KANSL2: variants seen among roughly 807,000 people sequenced by gnomAD.
KANSL2 encodes KAT8 regulatory NSL complex subunit 2.
Under a neutral mutation model 55.6 loss-of-function variants are expected in KANSL2, and 34 were observed. The ratio of observed to expected loss-of-function variants is 0.61; its 90% CI spans 0.46 to 0.81. KANSL2 has a LOEUF of 0.81. KANSL2 is among the 40% of genes least tolerant of loss of function. KANSL2 has a pLI of 0.00. For missense variants in KANSL2, 502 were observed against 609.9 expected (o/e 0.82, Z 1.86); for synonymous variants, 209 against 214.3 (o/e 0.98, Z 0.22).
chr12:48,664,135 G>T (rs1206840568), intron 7 of KANSL2, among the ~76,000 whole-genome samples: 1 of 151,736 alleles, frequency 6.6e-6, no homozygotes, highest in Non-Finnish European at 1.5e-5. Context: ...AGCTGGTCTC[G>T]AACCCCTGAC....
chr12:48,654,543 A>G, intron 9 of KANSL2: 3 of 612,916 alleles, frequency 4.9e-6, no homozygotes, highest in South Asian at 4.2e-5. Context: ...AGGCTCACGG[A>G]CAGAACTCAA....
chr12:48,655,546 G>A (rs980581640), intron 8 of KANSL2, among the ~76,000 whole-genome samples: 2 of 149,764 alleles, frequency 1.3e-5, no homozygotes, highest in Non-Finnish European at 3.0e-5. Context: ...TCTAACCTGG[G>A]TGGCAGAGCC....
At chr12:48,659,323 G>A (rs1939447064) in intron 8 of KANSL2, among the ~76,000 whole-genome samples, 1 of 150,966 alleles carries the variant, frequency 6.6e-6, no homozygotes, top group Admixed American at 6.6e-5. Flanking sequence ...ATAGTGGCCA[G>A]GCACAGTGGT....
Position 48,667,803 on chromosome 12 carries a change from A to C in KANSL2, c.877-14T>G, listed in dbSNP as rs762915872. 2 of 1,591,660 alleles carry C rather than the reference A, an allele frequency of 1.3e-6. No homozygotes were observed. The highest frequency in any genetic ancestry group is 3.3e-5 in the Admixed American group (2 of 59,890). ...AGTGGTATGGGCCTGAAATGGAAAA[A>C]GACAGATAAAATAGACCCACAAAAG... On this transcript the variant is annotated splice_polypyrimidine_tract_variant and intron_variant, in intron 6 of 9. Transcript: ENST00000420613.
At chr12:48,665,649 A>C (rs1939583542) in intron 7 of KANSL2, among the ~76,000 whole-genome samples, 2 of 152,366 alleles carry the variant, frequency 1.3e-5, no homozygotes, top group East Asian at 3.9e-4. Flanking sequence ...AATCCTATTT[A>C]ATTAACAAGT....
At chr12:48,681,762 T>A in intron 1 of KANSL2, 121 bp from the exon 2 acceptor site, 2 of 1,272,092 alleles carry the variant, frequency 1.6e-6, no homozygotes, top group Non-Finnish European at 2.2e-6. Flanking sequence ...GTACGCTCCG[T>A]AAGTCCCCGC....
chr12:48,656,891 T>C (rs1939394597), intron 8 of KANSL2: 2 of 373,020 alleles, frequency 5.4e-6, no homozygotes. Context: ...ATCCAGGAGG[T>C]TTGTACCCCC....
rs1939874753 is a variant in KANSL2, at chr12:48,679,117, G to T, written c.464C>A (p.Pro155His). Reference protein sequence around the residue: ...EDSWSDGEQEPITVDQTWRGD... With the variant: ...EDSWSDGEQEHITVDQTWRGD... ...TCTCCATGTCTGATCCACAGTAATG[G>T]GTTCCTGCTCCCCATCACTCCAGCT... The change falls in exon 4 of 10, where the codon CCC becomes CAC. Residue 155 changes from proline to histidine, a missense_variant. Transcript: ENST00000420613. 1 of 1,613,662 alleles carries T rather than the reference G, an allele frequency of 6.2e-7. No homozygotes were observed. The highest frequency in any genetic ancestry group is 1.7e-5 in the Admixed American group (1 of 59,980).
intron 4 of KANSL2, 104 bp downstream of exon 4, chr12:48,678,924 TGACAAATA>T: frequency 1.4e-6 from 1 of 699,886 alleles, no homozygotes; most frequent in Non-Finnish European, 2.5e-6. Flanking sequence ...CTCTTACTGC[TGACAAATA>T]GCTGTCTTCA....
In KANSL2 at chr12:48,661,282, G is replaced by GAA. The variant is rs144698431; in HGVS notation, c.974-665_974-664dup. The GAA allele has an allele frequency of 2.4e-3, 1,744 of 730,820 alleles. 26 individuals carry two copies. In the African/African-American group the frequency reaches 0.032, roughly 13 times the overall value. 45.3% of individuals were successfully genotyped at this position (730,820 alleles called of 1,614,324 possible). Reference sequence around the variant, plus strand: ...AAAATTTTGTGTATGAAGGCCCATTGAAAAAAAAAAGTATTCTAGAAACAT... The same window carrying GAA: ...AAAATTTTGTGTATGAAGGCCCATTGAAAAAAAAAAAAGTATTCTAGAAACAT... On this transcript the variant is annotated intron_variant, in intron 7 of 9. Transcript: ENST00000420613.
intron 2 of KANSL2, among the ~76,000 whole-genome samples, chr12:48,680,302 C>T (rs1939897940): frequency 6.6e-6 from 1 of 152,162 alleles, no homozygotes; most frequent in African/African-American, 2.4e-5. Flanking sequence ...AGTGATCCTC[C>T]CACCTCAGCC....
chr12:48,669,376 T>C, intron 5 of KANSL2, 104 bp from the exon 6 acceptor site: 2 of 879,844 alleles, frequency 2.3e-6, no homozygotes, highest in Non-Finnish European at 3.4e-6. Context: ...AGATAGGCAG[T>C]TTCAAAAGCA....
Position 48,682,222 on chromosome 12 carries a change from G to A in KANSL2, c.-45C>T, listed in dbSNP as rs1017746219. ...GCGCTGCGCCGCACTCTGCCGCGCC[G>A]CTCGCCCTTCTCTAGTGGCGCCAGC... On this transcript the variant is annotated 5_prime_UTR_variant, in exon 1 of 10. Transcript: ENST00000420613. 7 of 642,582 alleles carry A rather than the reference G, an allele frequency of 1.1e-5. No homozygotes were observed. Among genetic ancestry groups the A allele is most frequent in the African/African-American group, 3.6e-5 (2 of 55,204 alleles). 39.8% of individuals were successfully genotyped at this position (642,582 alleles called of 1,614,324 possible).
At chr12:48,662,781 A>G (rs1939512812) in intron 7 of KANSL2, 2 of 463,416 alleles carry the variant, frequency 4.3e-6, no homozygotes, top group Non-Finnish European at 6.4e-6. Flanking sequence ...CTTTATATTT[A>G]TATTTTAATA....
In KANSL2 at chr12:48,654,984, T is replaced by C; in HGVS notation, c.1304A>G (p.Asp435Gly). 3 of 1,582,696 alleles carry C rather than the reference T, an allele frequency of 1.9e-6. No individual in the cohort carries two copies. Among genetic ancestry groups the C allele is most frequent in the Non-Finnish European group, 2.6e-6 (3 of 1,164,094 alleles). The change falls in exon 9 of 10, where the codon GAT becomes GGT. Residue 435 changes from aspartate (D) to glycine (G), a missense_variant. Asp to Gly is a moderately conservative substitution (Grantham distance 94, BLOSUM62 -1). Transcript: ENST00000420613. ...TTCAGCAATTTCTTTGACTAAATGATCTTCAAGGGTTAGTGAAGGATCAAA... is the reference window on the plus strand; with the variant it reads ...TTCAGCAATTTCTTTGACTAAATGACCTTCAAGGGTTAGTGAAGGATCAAA... The part of the protein sequence containing the change: ...LLFDPSLTLE[D>G]HLVKEIAEDP...
At chr12:48,680,671 C>G (rs746956809) in intron 2 of KANSL2, among the ~76,000 whole-genome samples, 6 of 152,002 alleles carry the variant, frequency 3.9e-5, no homozygotes, top group Non-Finnish European at 8.8e-5. Context: ...AGCCACACAC[C>G]CCTCCATTAA....
chr12:48,667,258 C>A (rs755246490), intron 7 of KANSL2, among the ~76,000 whole-genome samples: 1 of 152,118 alleles, frequency 6.6e-6, no homozygotes, highest in Non-Finnish European at 1.5e-5. Flanking sequence ...TAGAAGTTCA[C>A]AGTGCAAAAT....
At position 48,653,909 on chromosome 12, in the gene KANSL2, G is replaced by A. The variant is rs182162206; in HGVS notation, c.*135C>T. 4.3e-5 allele frequency: 41 copies of A among 944,114 alleles called. No individual in the cohort carries two copies. The highest frequency in any genetic ancestry group is 5.9e-5 in the East Asian group (2 of 33,824). The allele number at this position is 944,114 out of a possible 1,614,324, so 58.5% of individuals were successfully genotyped here. Reference sequence around the variant, plus strand: ...CCACGTCCTCAAAATTTGGCTTTACGTTTGACTATAATACTCAATCCAGAA... The same window carrying A: ...CCACGTCCTCAAAATTTGGCTTTACATTTGACTATAATACTCAATCCAGAA... On this transcript the variant is annotated 3_prime_UTR_variant, in exon 10 of 10. Coordinates refer to ENST00000420613, the MANE Select transcript of KANSL2 (RefSeq NM_017822.4).
intron 8 of KANSL2, among the ~76,000 whole-genome samples, chr12:48,657,828 G>A (rs1939416130): frequency 6.6e-6 from 1 of 152,136 alleles, no homozygotes; most frequent in Admixed American, 6.5e-5. Flanking sequence ...TGTTGGCCAG[G>A]CTAGTCTAGA....
Sources: gnomAD v4.1 joint callset for allele counts (sites outside exome capture counted in the v4.1 genomes callset) on GRCh38, gnomAD v4.1.1 for gene constraint, MANE v1.5 for transcripts, NCBI Gene and HGNC (gene_info 2026-07-23, HGNC 2026-07-21) for gene names.